The following PCNT variants were observed in gnomAD, a reference collection of about 807,000 sequenced individuals.
The protein encoded by PCNT is pericentrin.
Under a neutral mutation model 380.4 loss-of-function variants are expected in PCNT, and 319 were observed. The ratio of observed to expected loss-of-function variants is 0.84; its 90% CI spans 0.77 to 0.92. The LOEUF is 0.92. Among genes scored for constraint, PCNT ranks in the 40% least tolerant of loss-of-function variants. The pLI is 0.00. For synonymous variants in PCNT, 1,845 were observed against 1,735.2 expected (o/e 1.06, Z -1.57); for missense variants, 4,400 against 4,255.3 (o/e 1.03, Z -0.95).
chr21:46,416,876 G>A (rs571970291), intron 30 of PCNT, 37 bp downstream of exon 30: 108 of 1,592,330 alleles, frequency 6.8e-5, no homozygotes, highest in South Asian at 4.6e-4. Flanking sequence ...TGCTGTTCCC[G>A]TGGGAATGTG....
In PCNT at chr21:46,427,703, C is replaced by T. The variant is rs1215345129; in HGVS notation, c.7402C>T (p.Gln2468Ter). The change falls in exon 34 of 47, where the codon CAG becomes TAG. Residue 2468 changes from glutamine to a stop codon, truncating the protein, a stop_gained. Transcript: ENST00000359568. LOFTEE classifies it high-confidence loss of function. ...QEAFEKEQEM[Q>*]GVELQPRLSG... Reference sequence around the variant, plus strand: ...GGCCTTTGAAAAAGAGCAGGAGATGCAGGGGGTTGAGCTGCAGCCCCGACT... The same window carrying T: ...GGCCTTTGAAAAAGAGCAGGAGATGTAGGGGGTTGAGCTGCAGCCCCGACT... 1.2e-6 allele frequency: 2 copies of T among 1,613,844 alleles called. No individual in the cohort carries two copies. The highest frequency in any genetic ancestry group is 1.7e-6 in the Non-Finnish European group (2 of 1,179,988).
At chr21:46,431,314 A>T (rs2087752894) in intron 37 of PCNT, 1 of 1,422,742 alleles carries the variant, frequency 7.0e-7, no homozygotes, top group African/African-American at 1.4e-5. Flanking sequence ...AGGACTCAAC[A>T]CCATTTCCGA....
intron 41 of PCNT, 54 bp downstream of exon 41, chr21:46,438,391 G>C (rs2053519223): frequency 6.5e-7 from 1 of 1,544,548 alleles, no homozygotes; most frequent in Non-Finnish European, 8.9e-7. Context: ...CCATGGTCCA[G>C]AGCAGCTCCA....
At chr21:46,439,605 AAAG>A (rs1251454860) in intron 41 of PCNT, among the ~76,000 whole-genome samples, 59 of 152,230 alleles carry the variant, frequency 3.9e-4, no homozygotes, top group African/African-American at 1.4e-3. Flanking sequence ...AGGGGCAAGA[AAAG>A]AAGCACACGT....
rs1292461098 is a variant in PCNT, at chr21:46,391,319, A to T, written c.4159A>T (p.Thr1387Ser). ...QEQAALREEC[T>S]RLWSRGEATA... ...GCAGGCGGCGCTGAGGGAGGAGTGC[A>T]CCCGTCTGTGGAGTCGGGGGGAGGC... The change falls in exon 21 of 47, where the codon ACC (threonine) becomes TCC (serine). Residue 1387 changes from threonine to serine, a missense_variant. Coordinates refer to ENST00000359568, the MANE Select transcript of PCNT (RefSeq NM_006031.6). 2 of 1,562,118 alleles carry T rather than the reference A, an allele frequency of 1.3e-6. No individual in the cohort carries two copies. The highest frequency in any genetic ancestry group is 2.7e-5 in the African/African-American group (2 of 73,732).
chr21:46,401,609 A>T lies in PCNT; in HGVS notation c.4850A>T (p.Gln1617Leu), dbSNP rs1354332876. Residue 1617 changes from glutamine to leucine, a missense_variant, in exon 26 of 47, where the codon CAG becomes CTG. By Grantham distance (113) the Gln-to-Leu change is moderately radical (BLOSUM62 -2). Transcript: ENST00000359568. ...AGCTTGCTTCTGGCGTCCACGTTGC[A>T]GTCTACACTAGATGCAGGCAGATGT... ...MSSLLLASTL[Q>L]STLDAGRCPE... 1 of 1,613,832 alleles carries T rather than the reference A, an allele frequency of 6.2e-7. No homozygotes were observed. The highest frequency in any genetic ancestry group is 1.7e-5 in the Admixed American group (1 of 60,018).
At position 46,416,493 on chromosome 21, in the gene PCNT, C is replaced by T. The variant is rs1339695009; in HGVS notation, c.6575C>T (p.Ser2192Leu). Reference sequence around the variant, plus strand: ...GAATGTCAGGACATGTCTCTTTCTTCACCGACCAGCGTACTTGGTGGCTCC... The same window carrying T: ...GAATGTCAGGACATGTCTCTTTCTTTACCGACCAGCGTACTTGGTGGCTCC... ...KSECQDMSLS[S>L]PTSVLGGSRH... The change falls in exon 30 of 47, where the codon TCA becomes TTA. Residue 2192 changes from serine (S) to leucine (L), a missense_variant. Transcript: ENST00000359568. The T allele has an allele frequency of 1.2e-6, 2 of 1,614,066 alleles. No individual in the cohort carries two copies. The highest frequency in any genetic ancestry group is 1.7e-6 in the Non-Finnish European group (2 of 1,180,036).
At chr21:46,438,381 C>T (rs760434938) in intron 41 of PCNT, 44 bp downstream of exon 41, 82 of 1,584,466 alleles carry the variant, frequency 5.2e-5, no homozygotes, top group Non-Finnish European at 7.0e-5. Context: ...GCCTAACCCA[C>T]CATGGTCCAG....
In PCNT at chr21:46,436,469, G is replaced by GCCCCCCCCCCCCCCCCCC. The variant is rs769557050; in HGVS notation, c.8996+321_8996+322insCCCCCCCCCCCCCCCCCC. On this transcript the variant is annotated intron_variant, in intron 39 of 46. Coordinates refer to ENST00000359568, the MANE Select transcript of PCNT (RefSeq NM_006031.6). ...CAGGGTCGGGTTTGGAGCCTCCTGT[G>GCCCCCCCCCCCCCCCCCC]GCCCCCCCCCCCCCCCCCCGCTGGC... Among the ~76,000 whole-genome samples, 18 of 40,034 alleles carry GCCCCCCCCCCCCCCCCCC rather than the reference G, an allele frequency of 4.5e-4. 8 individuals carry two copies. Among genetic ancestry groups the GCCCCCCCCCCCCCCCCCC allele is most frequent in the Non-Finnish European group, 8.7e-4 (15 of 17,222 alleles). 26.3% of individuals were successfully genotyped at this position (40,034 alleles called of 152,430 possible). A position where few individuals can be genotyped will look rare whatever the true frequency, so the allele number is the denominator to read the frequency against.
chr21:46,393,517 C>T (rs973266934), intron 21 of PCNT, among the ~76,000 whole-genome samples: 9 of 152,108 alleles, frequency 5.9e-5, no homozygotes, highest in Non-Finnish European at 1.3e-4. Context: ...TCTTCGCGCC[C>T]AGCCAGCCGG....
intron 5 of PCNT, 44 bp downstream of exon 5, chr21:46,347,042 G>A: frequency 6.4e-7 from 1 of 1,572,480 alleles, no homozygotes; most frequent in Non-Finnish European, 8.6e-7. Flanking sequence ...TGGGCTCGGT[G>A]TGGGCATTCT....
At chr21:46,375,345 A>G (rs980032375) in intron 15 of PCNT, among the ~76,000 whole-genome samples, 2 of 152,196 alleles carry the variant, frequency 1.3e-5, no homozygotes, top group African/African-American at 4.8e-5. Flanking sequence ...TAGCATTTGA[A>G]TGTCCTAAAT....
rs371075150 is a variant in PCNT at position 46,402,978 on chromosome 21, C to T, written c.5115+495C>T. On this transcript the variant is annotated intron_variant, in intron 27 of 46. Coordinates refer to ENST00000359568, the MANE Select transcript of PCNT (RefSeq NM_006031.6). ...TTTAAATCTTTTATTTTAATGTAGC[C>T]GTGCTTTTGAAGCAAAAAAGAAAAC... Among the ~76,000 whole-genome samples, 14 of 152,286 alleles carry T rather than the reference C, an allele frequency of 9.2e-5. No individual in the cohort carries two copies. The South Asian group carries it at 1.7e-3, about 18-fold the overall frequency.
chr21:46,325,448 C>G (rs1158407904), intron 1 of PCNT, among the ~76,000 whole-genome samples: 1 of 152,178 alleles, frequency 6.6e-6, no homozygotes, highest in African/African-American at 2.4e-5. Context: ...CAGACCAGGT[C>G]TGTGCTATAT....
At chr21:46,326,356 C>G (rs747199299) in intron 1 of PCNT, 21 bp from the exon 2 acceptor site, 2 of 1,612,248 alleles carry the variant, frequency 1.2e-6, no homozygotes, top group Non-Finnish European at 1.7e-6. Context: ...GCCTTTACTA[C>G]TTATCTACAT....
At chr21:46,369,994 G>C (rs2085060806) in intron 15 of PCNT, among the ~76,000 whole-genome samples, 1 of 152,234 alleles carries the variant, frequency 6.6e-6, no homozygotes, top group Admixed American at 6.5e-5. Flanking sequence ...GGAGCTACAG[G>C]TGCTGCGGGA....
In PCNT at chr21:46,389,073, G is replaced by A. The variant is rs548525663; in HGVS notation, c.3608-126G>A. On this transcript the variant is annotated intron_variant, in intron 18 of 46. Transcript: ENST00000359568. Reference sequence around the variant, plus strand: ...GCTAAATTTGTCAGCTCCCGTGGACGTGGCGCTGACTCATCTCGGCTGGGG... The same window carrying A: ...GCTAAATTTGTCAGCTCCCGTGGACATGGCGCTGACTCATCTCGGCTGGGG... 3.7e-4 allele frequency: 463 copies of A among 1,262,492 alleles called. 1 individual carries two copies. Among genetic ancestry groups the A allele is most frequent in the Middle Eastern group, 2.6e-3 (11 of 4,304 alleles). The allele number at this position is 1,262,492 out of a possible 1,614,324, so 78.2% of individuals were successfully genotyped here. A position where few individuals can be genotyped will look rare whatever the true frequency, so the allele number is the denominator to read the frequency against.
rs535351693 is a variant in PCNT at position 46,363,819 on chromosome 21, G to A, written c.2494G>A (p.Asp832Asn). Residue 832 changes from aspartate to asparagine, a missense_variant, in exon 14 of 47, where the codon GAC becomes AAC. By Grantham distance (23) the Asp-to-Asn change is conservative. Coordinates refer to ENST00000359568, the MANE Select transcript of PCNT (RefSeq NM_006031.6). ...QQLEQDLTSD[D>N]ALHCSQCGRE... ...GCTGGAACAGGACCTCACTTCAGAC[G>A]ACGCCCTGCATTGCAGCCAGTGTGG... 3.1e-6 allele frequency: 5 copies of A among 1,612,558 alleles called. No individual in the cohort carries two copies. The highest frequency in any genetic ancestry group is 2.2e-5 in the East Asian group (1 of 44,886).
At position 46,398,264 on chromosome 21, in the gene PCNT, G is replaced by T. The variant is rs202096874; in HGVS notation, c.4584+9G>T. The T allele has an allele frequency of 2.9e-4, 465 of 1,602,208 alleles. 3 individuals are homozygous for T. The highest frequency in any genetic ancestry group is 1.5e-4 in the Non-Finnish European group (176 of 1,175,776). ...CGCCGCTGGATGGAGAGGTGAGGAGGCGTCAACGAGATGGGCACTCCCTGC... is the reference window on the plus strand; with the variant it reads ...CGCCGCTGGATGGAGAGGTGAGGAGTCGTCAACGAGATGGGCACTCCCTGC... On this transcript the variant is annotated intron_variant, in intron 24 of 46. Transcript: ENST00000359568.
Sources: allele counts gnomAD v4.1 joint callset (sites outside exome capture counted in the v4.1 genomes callset), GRCh38; gene constraint gnomAD v4.1.1; transcripts MANE v1.5; gene names NCBI Gene and HGNC (gene_info 2026-07-23, HGNC 2026-07-21).